The following ENOX1 variants were observed in gnomAD, a reference collection of about 807,000 sequenced individuals.
ENOX1 encodes ecto-NOX disulfide-thiol exchanger 1, also known as candidate growth-related and time keeping constitutive hydroquinone (NADH) oxidase.
A neutral mutation model predicts 82.5 loss-of-function variants in ENOX1; 42 were observed. That is an observed-to-expected ratio of 0.51 (90% CI 0.40 to 0.66). The LOEUF (loss-of-function observed/expected upper bound fraction) is 0.66. Ranked by LOEUF, ENOX1 falls within the 30% of genes least tolerant of loss-of-function variation. The pLI, the probability that ENOX1 is intolerant of heterozygous loss-of-function variation, is 0.00. For missense variants in ENOX1, 608 were observed against 811.6 expected (o/e 0.75, Z 3.05); for synonymous variants, 271 against 282.2 (o/e 0.96, Z 0.40).
At chr13:43,704,504 A>T (rs144011769) in intron 1 of ENOX1, among the ~76,000 whole-genome samples, 1 of 152,296 alleles carries the variant, frequency 6.6e-6, no homozygotes, top group East Asian at 1.9e-4. Context: ...CTACTTTTAT[A>T]CATCTTTTCC....
At chr13:43,665,828 T>A (rs1241664573) in intron 2 of ENOX1, among the ~76,000 whole-genome samples, 1 of 151,182 alleles carries the variant, frequency 6.6e-6, no homozygotes, top group East Asian at 1.9e-4. Context: ...CCACCTCTGG[T>A]CACTGCACTT....
At chr13:43,328,389 G>A (rs186201559) in intron 9 of ENOX1, among the ~76,000 whole-genome samples, 5 of 152,256 alleles carry the variant, frequency 3.3e-5, no homozygotes, top group Admixed American at 6.5e-5. Context: ...AATGGGCTTC[G>A]TTGCTTATAA....
intron 3 of ENOX1, among the ~76,000 whole-genome samples, chr13:43,470,378 A>ACATATATATG (rs1566308238): frequency 1.1e-4 from 4 of 35,720 alleles, no homozygotes; most frequent in Admixed American, 2.2e-4. Context: ...ATATATATAC[A>ACATATATATG]TATATATACG....
At chr13:43,416,354 C>A (rs1463218429) in intron 3 of ENOX1, among the ~76,000 whole-genome samples, 1 of 142,924 alleles carries the variant, frequency 7.0e-6, no homozygotes, top group African/African-American at 2.6e-5. Flanking sequence ...CCAGATGGGG[C>A]GGCCGGACAG....
rs1566640764 is a variant in ENOX1 at position 43,616,120 on chromosome 13, C to CTATA, written c.-219+51355_-219+51358dup. Among the ~76,000 whole-genome samples the CTATA allele has an allele frequency of 1.9e-3, 22 of 11,334 alleles. 1 individual carries two copies. The East Asian group carries it at 0.02, about 10-fold the overall frequency. The allele number at this position is 11,334 out of a possible 152,430, so 7.4% of individuals were successfully genotyped here. A position where few individuals can be genotyped will look rare whatever the true frequency, so the allele number is the denominator to read the frequency against. ...TCTATATAGATAGATATCTATAGAT[C>CTATA]TATAGATATCTATCTATCTAGATAT... is the stretch of plus-strand genomic sequence containing the variant. On this transcript the variant is annotated intron_variant, in intron 2 of 16. Coordinates refer to ENST00000690772, the MANE Select transcript of ENOX1 (RefSeq NM_001347969.2).
At chr13:43,715,207 G>A (rs929641951) in intron 1 of ENOX1, among the ~76,000 whole-genome samples, 1 of 152,222 alleles carries the variant, frequency 6.6e-6, no homozygotes, top group Non-Finnish European at 1.5e-5. Flanking sequence ...TGGATTGAAA[G>A]TTCTTTTCTT....
Position 43,389,958 on chromosome 13 carries a change from T to C in ENOX1, c.208+21958A>G, listed in dbSNP as rs56899478. ...GGGGAGAACAAAAAAAATTTTTTGG[T>C]CTTCTGACCTAGCCTGTATGAAAGA... On this transcript the variant is annotated intron_variant, in intron 5 of 16. Coordinates refer to ENST00000690772, the MANE Select transcript of ENOX1 (RefSeq NM_001347969.2). Among the ~76,000 whole-genome samples, 388 of 152,284 alleles carry C rather than the reference T, an allele frequency of 2.5e-3. 1 individual carries two copies. The highest frequency in any genetic ancestry group is 8.9e-3 in the African/African-American group (371 of 41,538).
intron 1 of ENOX1, among the ~76,000 whole-genome samples, chr13:43,715,256 T>G (rs1161881755): frequency 4.6e-5 from 7 of 152,258 alleles, no homozygotes; most frequent in African/African-American, 1.7e-4. Flanking sequence ...TCTTCTGGCT[T>G]GTAGAGTTTC....
intron 1 of ENOX1, among the ~76,000 whole-genome samples, chr13:43,755,440 T>G (rs1403617703): frequency 6.6e-6 from 1 of 152,182 alleles, no homozygotes; most frequent in Non-Finnish European, 1.5e-5. Flanking sequence ...CAGGGGCTCA[T>G]GTACCCGTGA....
intron 2 of ENOX1, among the ~76,000 whole-genome samples, chr13:43,645,262 G>A (rs1049924261): frequency 3.3e-5 from 5 of 152,114 alleles, no homozygotes; most frequent in African/African-American, 1.2e-4. Flanking sequence ...AGGCTCAAGT[G>A]ATCCTCCCAT....
chr13:43,389,887 T>C lies in ENOX1; in HGVS notation c.208+22029A>G, dbSNP rs1345113352. ...AAACAATGGCTGTCCTATTCTTCCC[T>C]GGAGATGATAACACTGCTTCTACTA... On this transcript the variant is annotated intron_variant, in intron 5 of 16. Transcript: ENST00000690772. 2.0e-5 allele frequency among the ~76,000 whole-genome samples: 3 copies of C among 152,150 alleles called. No individual in the cohort carries two copies. The East Asian group carries it at 5.8e-4, about 29-fold the overall frequency.
intron 2 of ENOX1, among the ~76,000 whole-genome samples, chr13:43,520,686 A>G (rs565040948): frequency 3.3e-5 from 5 of 152,302 alleles, no homozygotes; most frequent in African/African-American, 1.2e-4. Flanking sequence ...TAGAGATGGC[A>G]TGTGAGGATT....
intron 2 of ENOX1, among the ~76,000 whole-genome samples, chr13:43,529,192 T>C (rs756217621): frequency 6.6e-6 from 1 of 152,016 alleles, no homozygotes; most frequent in Non-Finnish European, 1.5e-5. Flanking sequence ...CATGATGAAA[T>C]CTTGCACCGT....
chr13:43,475,951 C>A (rs758095078), intron 3 of ENOX1, among the ~76,000 whole-genome samples: 19 of 152,014 alleles, frequency 1.2e-4, no homozygotes, highest in African/African-American at 4.6e-4. Context: ...TAAACACAGA[C>A]CTTAATTTTA....
intron 2 of ENOX1, among the ~76,000 whole-genome samples, chr13:43,642,353 C>T (rs901328973): frequency 6.6e-6 from 1 of 152,120 alleles, no homozygotes; most frequent in Admixed American, 6.6e-5. Context: ...AAATACTACC[C>T]ACACTGAGTT....
chr13:43,430,096 T>C (rs112991103), intron 3 of ENOX1, among the ~76,000 whole-genome samples: 7 of 152,360 alleles, frequency 4.6e-5, no homozygotes, highest in Admixed American at 2.6e-4. Flanking sequence ...GATTTAACTG[T>C]GTAGCATTGA....
intron 9 of ENOX1, among the ~76,000 whole-genome samples, chr13:43,333,948 T>C (rs1387068097): frequency 6.6e-6 from 1 of 152,244 alleles, no homozygotes; most frequent in Non-Finnish European, 1.5e-5. Flanking sequence ...TCTAATTACT[T>C]AGCCCTTACT....
intron 2 of ENOX1, among the ~76,000 whole-genome samples, chr13:43,585,791 C>T (rs901654087): frequency 6.6e-6 from 1 of 152,146 alleles, no homozygotes; most frequent in Non-Finnish European, 1.5e-5. Flanking sequence ...GTTGGCCAGG[C>T]TGGTCTCGAA....
chr13:43,229,645 T>C (rs2042187362), intron 15 of ENOX1, among the ~76,000 whole-genome samples: 2 of 152,150 alleles, frequency 1.3e-5, no homozygotes, highest in African/African-American at 4.8e-5. Context: ...AGCTGCTGTA[T>C]GGAGGGTAGA....
Sources: allele counts gnomAD v4.1 joint callset (sites outside exome capture counted in the v4.1 genomes callset), GRCh38; gene constraint gnomAD v4.1.1; transcripts MANE v1.5; gene names NCBI Gene and HGNC (gene_info 2026-07-23, HGNC 2026-07-21).